Variants in ELOA observed in about 807,000 individuals in gnomAD.
The protein encoded by ELOA is elongin A, also known as elongin-A.
Under a neutral mutation model 85.2 loss-of-function variants are expected in ELOA, and 15 were observed. The observed-to-expected ratio is 0.18, with a 90% CI of 0.12 to 0.27. The LOEUF (loss-of-function observed/expected upper bound fraction) is 0.27, where lower values mean the gene tolerates loss of function less well. ELOA is among the 10% of genes least tolerant of loss of function. The probability of loss-of-function intolerance (pLI) is 1.00; values close to 1 mark genes in which losing one functional copy is unlikely to be tolerated. For missense variants in ELOA, 769 were observed against 952.7 expected, an observed-to-expected ratio of 0.81 and a Z score of 2.54; for synonymous variants, 348 against 357.2, an observed-to-expected ratio of 0.97 and a Z score of 0.29.
intron 4 of ELOA, 61 bp from the exon 5 acceptor site, chr1:23,752,346 G>A (rs1644775106): frequency 3.3e-6 from 5 of 1,508,986 alleles, no homozygotes; most frequent in Non-Finnish European, 4.6e-6. Context: ...GGAATAGACT[G>A]TAGGAAAGAG....
At chr1:23,745,631 CA>C (rs1175762843) in intron 1 of ELOA, among the ~76,000 whole-genome samples, 1 of 151,676 alleles carries the variant, frequency 6.6e-6, no homozygotes, top group Non-Finnish European at 1.5e-5. Context: ...ATCATTTTTG[CA>C]AAGGGCATAA....
intron 5 of ELOA, among the ~76,000 whole-genome samples, chr1:23,753,737 T>G (rs922719100): frequency 6.6e-6 from 1 of 152,312 alleles, no homozygotes; most frequent in African/African-American, 2.4e-5. Context: ...TTGCTTTTTT[T>G]TGTTGTTGCT....
At chr1:23,756,653 C>T (rs113908698) in intron 9 of ELOA, among the ~76,000 whole-genome samples, 68 of 152,346 alleles carry the variant, frequency 4.5e-4, no homozygotes, top group African/African-American at 1.6e-3. Flanking sequence ...CTTATGCTTT[C>T]CCTTTTCCCA....
intron 3 of ELOA, among the ~76,000 whole-genome samples, chr1:23,750,345 T>A (rs1228893013): frequency 6.6e-6 from 1 of 151,914 alleles, no homozygotes; most frequent in Non-Finnish European, 1.5e-5. Flanking sequence ...CCGGCTAATT[T>A]TTTGTATTTT....
Position 23,759,861 on chromosome 1 carries a change from C to G in ELOA, c.*288C>G, listed in dbSNP as rs937120603. On this transcript the variant is annotated 3_prime_UTR_variant, in exon 11 of 11. Transcript: ENST00000613537. ...ATTAGCATCTTTGTAAACTATAAGA[C>G]GTAGTTTTAATTAATAAATATTGCC... The G allele has an allele frequency of 3.0e-5, 11 of 364,676 alleles. No homozygotes were observed. In the Admixed American group the frequency reaches 3.9e-4, roughly 13 times the overall value. The allele number at this position is 364,676 out of a possible 1,614,324, so 22.6% of individuals were successfully genotyped here. A position where few individuals can be genotyped will look rare whatever the true frequency, so the allele number is the denominator to read the frequency against.
In ELOA at chr1:23,761,113, A is replaced by C. The variant is rs1638287863; in HGVS notation, c.*1540A>C. 1 of 152,178 alleles carries C rather than the reference A, an allele frequency of 6.6e-6. No homozygotes were observed. Among genetic ancestry groups the C allele is most frequent in the Admixed American group, 6.5e-5 (1 of 15,270 alleles). The allele number at this position is 152,178 out of a possible 1,614,324, so 9.4% of individuals were successfully genotyped here. On this transcript the variant is annotated 3_prime_UTR_variant, in exon 11 of 11. Transcript: ENST00000613537. The stretch of plus-strand genomic sequence containing the variant: ...CAACGTAGGAAGTCTATTCAGCAGA[A>C]ACTCGACATTGTTCAGTGTGTATTG...
rs756065445 is a variant in ELOA at position 23,750,850 on chromosome 1, C to T, written c.245C>T (p.Ala82Val). ...TGCTTTTTCTTTTATTTTAGAAATG[C>T]TGAGCCTGATGAACAGGACTTTGAG... ...WKKLVPVERN[A>V]EPDEQDFEKS... The change falls in exon 4 of 11, where the codon GCT becomes GTT. Residue 82 changes from alanine (A) to valine (V), a missense_variant. Coordinates refer to ENST00000613537, the MANE Select transcript of ELOA (RefSeq NM_003198.3). 2.5e-6 allele frequency: 4 copies of T among 1,572,976 alleles called. No individual in the cohort carries two copies. Among genetic ancestry groups the T allele is most frequent in the African/African-American group, 1.4e-5 (1 of 72,646 alleles).
intron 7 of ELOA, 105 bp downstream of exon 7, chr1:23,754,565 C>T (rs1644786410): frequency 1.1e-6 from 1 of 891,400 alleles, no homozygotes; most frequent in Non-Finnish European, 1.8e-6. Context: ...GATCAGTGGT[C>T]AGAGCATTGT....
chr1:23,756,169 A>C, intron 8 of ELOA, 105 bp from the exon 9 acceptor site: 1 of 1,420,842 alleles, frequency 7.0e-7, no homozygotes, highest in Non-Finnish European at 9.5e-7. Flanking sequence ...CGCCCATTCT[A>C]CCCTACAAGT....
chr1:23,754,337 T>A (rs746053506), intron 6 of ELOA, 26 bp from the exon 7 acceptor site: 1 of 1,614,162 alleles, frequency 6.2e-7, no homozygotes, highest in African/African-American at 1.3e-5. Context: ...TGCTACTCAG[T>A]GTCTTCACCT....
At chr1:23,743,727 G>A in intron 1 of ELOA, 149 bp downstream of exon 1, 3 of 1,010,886 alleles carry the variant, frequency 3.0e-6, no homozygotes, top group Non-Finnish European at 3.9e-6. Context: ...GCCATTGACC[G>A]CTGCCCGCGC....
chr1:23,747,693 G>A (rs1210027952), intron 1 of ELOA, among the ~76,000 whole-genome samples: 1 of 152,162 alleles, frequency 6.6e-6, no homozygotes, highest in South Asian at 2.1e-4. Flanking sequence ...GATTTGAAGT[G>A]GGGGATAATT....
At position 23,761,759 on chromosome 1, in the gene ELOA, C is replaced by T. The variant is rs2148390925; in HGVS notation, c.*2186C>T. 1.3e-5 allele frequency: 2 copies of T among 152,272 alleles called. No individual in the cohort carries two copies. Among genetic ancestry groups the T allele is most frequent in the South Asian group, 4.2e-4 (2 of 4,816 alleles). The allele number at this position is 152,272 out of a possible 1,614,324, so 9.4% of individuals were successfully genotyped here. On this transcript the variant is annotated 3_prime_UTR_variant, in exon 11 of 11. Coordinates refer to ENST00000613537, the MANE Select transcript of ELOA (RefSeq NM_003198.3). Reference sequence around the variant, plus strand: ...CACAGGATGAATTTGAACCTTTGGTCTCATTTATGGAAAAACTTGTGCAAT... The same window carrying T: ...CACAGGATGAATTTGAACCTTTGGTTTCATTTATGGAAAAACTTGTGCAAT...
chr1:23,744,459 C>CTT (rs1401383065), intron 1 of ELOA, among the ~76,000 whole-genome samples: 4 of 138,586 alleles, frequency 2.9e-5, no homozygotes, highest in Non-Finnish European at 1.6e-5. Flanking sequence ...TTTTTTTTTT[C>CTT]TTTTTTTTTT....
rs1476291736 is a variant in ELOA, at chr1:23,761,642, G to A, written c.*2069G>A. ...GGATGTGACTTGGTGCGAAGAGTCA[G>A]GGGAAAGAGGAAAAACCCAATTTCT... On this transcript the variant is annotated 3_prime_UTR_variant, in exon 11 of 11. Coordinates refer to ENST00000613537, the MANE Select transcript of ELOA (RefSeq NM_003198.3). The A allele has an allele frequency of 6.6e-6, 1 of 152,110 alleles. No individual in the cohort carries two copies. The highest frequency in any genetic ancestry group is 1.5e-5 in the Non-Finnish European group (1 of 68,036). The allele number at this position is 152,110 out of a possible 1,614,324, so 9.4% of individuals were successfully genotyped here.
At chr1:23,752,304 T>C (rs1644774909) in intron 4 of ELOA, 103 bp from the exon 5 acceptor site, 1 of 1,167,480 alleles carries the variant, frequency 8.6e-7, no homozygotes, top group Admixed American at 2.1e-5. Flanking sequence ...AACCTGGATC[T>C]TCCTGTGCAA....
chr1:23,751,643 C>A lies in ELOA; in HGVS notation c.1038C>A (p.Asp346Glu). Residue 346 changes from aspartate to glutamate, a missense_variant, in exon 4 of 11, where the codon GAC becomes GAA. Asp to Glu is a conservative substitution (Grantham distance 45). This residue lies in a region of ELOA where 440 missense variants were observed against 474.0 expected (regional missense o/e 0.93). Transcript: ENST00000613537. ...TGGACAAAAGCAAGCAAGGTCTGGACAGCTTTGACACAGGAAAAGGAGCAG... is the reference window on the plus strand; with the variant it reads ...TGGACAAAAGCAAGCAAGGTCTGGAAAGCTTTGACACAGGAAAAGGAGCAG... ...AKLDKSKQGL[D>E]SFDTGKGAGD... 1.2e-6 allele frequency: 2 copies of A among 1,614,188 alleles called. No individual in the cohort carries two copies. The highest frequency in any genetic ancestry group is 1.7e-6 in the Non-Finnish European group (2 of 1,180,044).
chr1:23,755,996 C>T lies in ELOA; in HGVS notation c.1945C>T (p.Gln649Ter). 6.2e-7 allele frequency: 1 copy of T among 1,612,958 alleles called. No homozygotes were observed. Among genetic ancestry groups the T allele is most frequent in the Non-Finnish European group, 8.5e-7 (1 of 1,179,776 alleles). Reference sequence around the variant, plus strand: ...GCTACGAGTACTAACAAAGAATATCCAGTTCGCACATGCCAATAAGCCCAA... The same window carrying T: ...GCTACGAGTACTAACAAAGAATATCTAGTTCGCACATGCCAATAAGCCCAA... ...QRLRVLTKNIQFAHANKPKGR... is the reference protein window; with the variant it reads ...QRLRVLTKNI Residue 649 changes from glutamine to a stop codon, truncating the protein, a stop_gained, in exon 8 of 11, where the codon CAG becomes TAG. Coordinates refer to ENST00000613537, the MANE Select transcript of ELOA (RefSeq NM_003198.3). LOFTEE classifies it high-confidence loss of function.
intron 1 of ELOA, among the ~76,000 whole-genome samples, chr1:23,745,407 T>A (rs1207517953): frequency 6.6e-6 from 1 of 152,206 alleles, no homozygotes; most frequent in Non-Finnish European, 1.5e-5. Context: ...ATTTTTTTTT[T>A]AACTAGAATT....
Sources: gnomAD v4.1 joint callset for allele counts (sites outside exome capture counted in the v4.1 genomes callset) on GRCh38, gnomAD v4.1.1 for gene constraint, gnomAD v4.1.1 regional missense constraint, MANE v1.5 for transcripts, NCBI Gene and HGNC (gene_info 2026-07-23, HGNC 2026-07-21) for gene names.